Variants in AK5 observed in about 807,000 individuals in gnomAD.
The protein encoded by AK5 is adenylate kinase isoenzyme 5.
In AK5, 27 loss-of-function variants were observed where a neutral mutation model predicts 69.5. The observed-to-expected ratio is 0.39, with a 90% CI of 0.29 to 0.54. The LOEUF is 0.54. Ranked by LOEUF, AK5 falls within the 20% of genes least tolerant of loss-of-function variation. The probability of loss-of-function intolerance (pLI) is 0.71; values close to 1 mark genes in which losing one functional copy is unlikely to be tolerated. For synonymous variants in AK5, 260 were observed against 244.4 expected (o/e 1.06, Z -0.60); for missense variants, 531 against 700.4 (o/e 0.76, Z 2.73).
intron 5 of AK5, among the ~76,000 whole-genome samples, chr1:77,311,764 T>C (rs1434292236): frequency 1.3e-5 from 2 of 152,142 alleles, no homozygotes; most frequent in African/African-American, 4.8e-5. Context: ...TTCAAATTGG[T>C]TGATGAAACC....
chr1:77,416,337 G>T lies in AK5; in HGVS notation c.983-1302G>T, dbSNP rs759187196. Among the ~76,000 whole-genome samples the T allele has an allele frequency of 2.0e-5, 3 of 152,108 alleles. No individual in the cohort carries two copies. In the South Asian group the frequency reaches 6.2e-4, roughly 32 times the overall value. ...CAGCCATCTTATGAACAGTGGTCTG[G>T]CAAGGGCTGTGCTGACAGCATGACT... On this transcript the variant is annotated intron_variant, in intron 7 of 13. Coordinates refer to ENST00000354567, the MANE Select transcript of AK5 (RefSeq NM_174858.3).
chr1:77,456,553 C>A (rs1653496588), intron 8 of AK5, among the ~76,000 whole-genome samples: 1 of 152,222 alleles, frequency 6.6e-6, no homozygotes, highest in East Asian at 1.9e-4. Flanking sequence ...TGCCAGGGAG[C>A]AAGAACAGCA....
chr1:77,408,549 T>C (rs1649814133), intron 6 of AK5, among the ~76,000 whole-genome samples: 1 of 152,134 alleles, frequency 6.6e-6, no homozygotes, highest in African/African-American at 2.4e-5. Context: ...ATGTGTAGTT[T>C]GTGAATATTT....
intron 8 of AK5, among the ~76,000 whole-genome samples, chr1:77,443,710 TG>T: frequency 1.3e-5 from 2 of 151,586 alleles, no homozygotes; most frequent in African/African-American, 4.9e-5. Flanking sequence ...TGTGTGTGTG[TG>T]TGTGTGTGTG....
At chr1:77,486,428 G>T (rs1035232653) in intron 10 of AK5, 76 bp downstream of exon 10, 64 of 1,089,846 alleles carry the variant, frequency 5.9e-5, no homozygotes, top group Non-Finnish European at 1.5e-5. Flanking sequence ...AGGTGCGGTG[G>T]CTTACACCTG....
At chr1:77,513,402 G>A (rs1657460215) in intron 10 of AK5, among the ~76,000 whole-genome samples, 1 of 152,106 alleles carries the variant, frequency 6.6e-6, no homozygotes, top group South Asian at 2.1e-4. Context: ...CCAGTTCTGG[G>A]TCTTTTTATT....
intron 8 of AK5, among the ~76,000 whole-genome samples, chr1:77,434,168 A>G (rs939598050): frequency 1.3e-5 from 2 of 151,600 alleles, no homozygotes; most frequent in Admixed American, 6.6e-5. Flanking sequence ...ATGAAAGTTC[A>G]TGATAACCAG....
chr1:77,375,500 A>G (rs555196784), intron 6 of AK5, among the ~76,000 whole-genome samples: 7 of 152,166 alleles, frequency 4.6e-5, no homozygotes, highest in Non-Finnish European at 8.8e-5. Flanking sequence ...CTGATGCTCC[A>G]TGCCCCATCT....
At position 77,342,066 on chromosome 1, in the gene AK5, A is replaced by G. The variant is rs188152914; in HGVS notation, c.891+1498A>G. Among the ~76,000 whole-genome samples, 246 of 151,838 alleles carry G rather than the reference A, an allele frequency of 1.6e-3. 1 individual carries two copies. The highest frequency in any genetic ancestry group is 3.4e-3 in the Admixed American group (52 of 15,246). On this transcript the variant is annotated intron_variant, in intron 6 of 13. Coordinates refer to ENST00000354567, the MANE Select transcript of AK5 (RefSeq NM_174858.3). The stretch of plus-strand genomic sequence containing the variant: ...GGTGCACACCACCACGCCCAGCTAA[A>G]TTTTTGTATTTTTAGTAGAGATGGG...
chr1:77,539,341 G>A (rs1292359379), intron 13 of AK5, among the ~76,000 whole-genome samples: 3 of 152,176 alleles, frequency 2.0e-5, no homozygotes, highest in African/African-American at 7.2e-5. Context: ...TGGCTGCTGG[G>A]TGCGTGGTGA....
intron 8 of AK5, among the ~76,000 whole-genome samples, chr1:77,429,291 A>G (rs567343212): frequency 6.6e-6 from 1 of 152,318 alleles, no homozygotes; most frequent in East Asian, 1.9e-4. Context: ...AATGATCGCC[A>G]TTCTAACTGG....
intron 8 of AK5, among the ~76,000 whole-genome samples, chr1:77,444,278 CACAACATATGTGTATAT>C (rs1652549247): frequency 2.3e-5 from 1 of 42,684 alleles, no homozygotes; most frequent in African/African-American, 8.5e-5. Flanking sequence ...AGTATATATA[CACAACATATGTGTATAT>C]ATATAGTATA....
chr1:77,486,946 C>G (rs1219575431), intron 10 of AK5, among the ~76,000 whole-genome samples: 2 of 152,188 alleles, frequency 1.3e-5, no homozygotes, highest in Admixed American at 6.5e-5. Flanking sequence ...GTATTAAAAT[C>G]TAACACACAT....
chr1:77,355,397 G>A (rs1662458426), intron 6 of AK5, among the ~76,000 whole-genome samples: 1 of 152,208 alleles, frequency 6.6e-6, no homozygotes, highest in Non-Finnish European at 1.5e-5. Flanking sequence ...TGAAATGATA[G>A]CCCTACTTTA....
At chr1:77,437,663 A>G (rs1217885292) in intron 8 of AK5, among the ~76,000 whole-genome samples, 1 of 152,210 alleles carries the variant, frequency 6.6e-6, no homozygotes, top group Non-Finnish European at 1.5e-5. Context: ...TAAATTGTGT[A>G]GAAAAACAAA....
At chr1:77,557,355 C>CAA (rs1456262526) in intron 13 of AK5, 1 of 208,290 alleles carries the variant, frequency 4.8e-6, no homozygotes, top group African/African-American at 2.3e-5. Flanking sequence ...CCAACTTTAC[C>CAA]AAAGTAACCT....
chr1:77,448,076 G>A (rs780205922), intron 8 of AK5, among the ~76,000 whole-genome samples: 1 of 152,172 alleles, frequency 6.6e-6, no homozygotes, highest in Non-Finnish European at 1.5e-5. Context: ...AGGCCTACAG[G>A]TCCCCCTTGA....
chr1:77,413,395 C>T (rs1456225671), intron 7 of AK5, among the ~76,000 whole-genome samples: 1 of 152,144 alleles, frequency 6.6e-6, no homozygotes, highest in Non-Finnish European at 1.5e-5. Flanking sequence ...TCTCAGACCC[C>T]ACCCCAGACT....
intron 2 of AK5, among the ~76,000 whole-genome samples, chr1:77,287,404 C>T (rs1658419467): frequency 6.6e-6 from 1 of 152,184 alleles, no homozygotes; most frequent in Non-Finnish European, 1.5e-5. Flanking sequence ...GCAAGCCATA[C>T]ATACATTTTC....
Sources: gnomAD v4.1 joint callset for allele counts (sites outside exome capture counted in the v4.1 genomes callset) on GRCh38, gnomAD v4.1.1 for gene constraint, MANE v1.5 for transcripts, NCBI Gene and HGNC (gene_info 2026-07-23, HGNC 2026-07-21) for gene names.